The following CNIH3 variants were observed in gnomAD, a reference collection of about 807,000 sequenced individuals.
CNIH3 encodes cornichon family AMPA receptor auxiliary protein 3.
A neutral mutation model predicts 24.1 loss-of-function variants in CNIH3; 14 were observed. That is an observed-to-expected ratio of 0.58 (90% CI 0.38 to 0.91). CNIH3 has a LOEUF of 0.91. Among genes scored for constraint, CNIH3 ranks in the 40% least tolerant of loss-of-function variants. The pLI is 0.00. For missense variants in CNIH3, 178 were observed against 196.8 expected, an observed-to-expected ratio of 0.90 and a Z score of 0.57; for synonymous variants, 68 against 73.8, an observed-to-expected ratio of 0.92 and a Z score of 0.40.
chr1:224,697,882 GT>G (rs1273673702), intron 3 of CNIH3, among the ~76,000 whole-genome samples: 2 of 152,108 alleles, frequency 1.3e-5, no homozygotes, highest in African/African-American at 4.8e-5. Context: ...CTCTCTAAAG[GT>G]AAAACCATGC....
chr1:224,623,980 G>A (rs147175297), intron 1 of CNIH3, among the ~76,000 whole-genome samples: 6 of 152,274 alleles, frequency 3.9e-5, no homozygotes, highest in African/African-American at 9.6e-5. Context: ...CCTGCCTGCC[G>A]TCACCTCTTT....
intron 3 of CNIH3, among the ~76,000 whole-genome samples, chr1:224,721,820 C>G (rs1018964563): frequency 1.3e-5 from 2 of 152,080 alleles, no homozygotes; most frequent in Non-Finnish European, 2.9e-5. Context: ...AAGAATCCGG[C>G]CAGAACTGGA....
intron 2 of CNIH3, among the ~76,000 whole-genome samples, chr1:224,544,353 A>G (rs1263411857): frequency 6.6e-6 from 1 of 152,164 alleles, no homozygotes; most frequent in African/African-American, 2.4e-5. Flanking sequence ...CATCCCATGG[A>G]CTACCAGTAT....
rs536389997 is a variant in CNIH3 at position 224,558,937 on chromosome 1, A to G, written n.451-7262A>G. On this transcript the variant is annotated intron_variant and non_coding_transcript_variant, in intron 3 of 5. Coordinates refer to the CNIH3 transcript ENST00000471578. The stretch of plus-strand genomic sequence containing the variant: ...AGTAAAATAATTAATAAATGTTAAC[A>G]TCTGCATGTCGTTTTAATTAAGAAA... 7.2e-5 allele frequency among the ~76,000 whole-genome samples: 11 copies of G among 152,358 alleles called. No individual in the cohort carries two copies. The South Asian group carries it at 1.7e-3, about 23-fold the overall frequency.
intron 5 of CNIH3, among the ~76,000 whole-genome samples, chr1:224,736,124 CTCCTTTT>C (rs1235451038): frequency 1.3e-5 from 2 of 152,068 alleles, no homozygotes; most frequent in African/African-American, 2.4e-5. Context: ...AAAGACTGAA[CTCCTTTT>C]TCCTTTTTCT....
chr1:224,616,520 C>G lies in CNIH3; in HGVS notation c.-655C>G. On this transcript the variant is annotated 5_prime_UTR_variant, in exon 1 of 6. Coordinates refer to ENST00000272133, the MANE Select transcript of CNIH3 (RefSeq NM_152495.2). ...GGCTGGCCGGAGTCACGGTTGGGGA[C>G]GGGCGCGCCTCGGAGCGCACGGCTG... is the stretch of plus-strand genomic sequence containing the variant. 1 of 987,364 alleles carries G rather than the reference C, an allele frequency of 1.0e-6. No individual in the cohort carries two copies. Among genetic ancestry groups the G allele is most frequent in the Non-Finnish European group, 1.2e-6 (1 of 830,952 alleles). The allele number at this position is 987,364 out of a possible 1,614,324, so 61.2% of individuals were successfully genotyped here. A position where few individuals can be genotyped will look rare whatever the true frequency, so the allele number is the denominator to read the frequency against.
chr1:224,674,001 C>T (rs972561430), intron 1 of CNIH3, among the ~76,000 whole-genome samples: 13 of 152,158 alleles, frequency 8.5e-5, no homozygotes, highest in African/African-American at 2.9e-4. Context: ...TCTTGGTCTC[C>T]TGAACTGTAT....
At chr1:224,455,405 C>T (rs1572274396) in intron 1 of CNIH3, among the ~76,000 whole-genome samples, 1 of 152,300 alleles carries the variant, frequency 6.6e-6, no homozygotes, top group Middle Eastern at 3.4e-3. Flanking sequence ...CTGTCTTGGC[C>T]TTGTGAAACC....
chr1:224,459,079 CTGTT>C (rs1675799148), intron 1 of CNIH3: 1 of 358,016 alleles, frequency 2.8e-6, no homozygotes, highest in South Asian at 1.2e-4. Flanking sequence ...TGTCTATTAT[CTGTT>C]TGACTCCAAA....
chr1:224,711,359 C>T (rs11806606), intron 3 of CNIH3, among the ~76,000 whole-genome samples: 28,979 of 146,510 alleles, frequency 0.2, 3,025 homozygotes, highest in African/African-American at 0.3. Flanking sequence ...TTTGTTCTGT[C>T]GCCCAAGCTG....
intron 3 of CNIH3, among the ~76,000 whole-genome samples, chr1:224,594,438 T>A (rs1028114267): frequency 6.6e-6 from 1 of 152,204 alleles, no homozygotes; most frequent in Non-Finnish European, 1.5e-5. Flanking sequence ...CTGTTCTATG[T>A]TATTTTATGT....
intron 1 of CNIH3, among the ~76,000 whole-genome samples, chr1:224,622,968 A>G (rs1420870292): frequency 2.0e-5 from 3 of 152,160 alleles, no homozygotes; most frequent in Admixed American, 1.3e-4. Context: ...CTTTGCCACC[A>G]TCATCTGACT....
At chr1:224,462,410 C>T (rs777856230) in intron 1 of CNIH3, among the ~76,000 whole-genome samples, 30 of 152,022 alleles carry the variant, frequency 2.0e-4, no homozygotes, top group African/African-American at 5.6e-4. Flanking sequence ...CTTGGGTCAC[C>T]GCAACTTCTG....
At chr1:224,457,275 C>CTG (rs1168012940) in intron 1 of CNIH3, among the ~76,000 whole-genome samples, 149 of 42,724 alleles carry the variant, frequency 3.5e-3, no homozygotes, top group East Asian at 0.023. Flanking sequence ...CTCTCTCTCT[C>CTG]TGTGTGTGTG....
At chr1:224,726,786 A>G (rs1047107430) in intron 3 of CNIH3, among the ~76,000 whole-genome samples, 3 of 152,194 alleles carry the variant, frequency 2.0e-5, no homozygotes, top group African/African-American at 7.2e-5. Flanking sequence ...AAAGCAGGGT[A>G]ATAATACATG....
chr1:224,614,868 A>G (rs147564629), upstream of CNIH3, among the ~76,000 whole-genome samples: 2,200 of 151,960 alleles, frequency 0.014, 64 homozygotes, highest in African/African-American at 0.051. Context: ...AATCGCTTGA[A>G]CCAGGGAGGT....
chr1:224,545,900 G>A (rs1679687232), intron 2 of CNIH3, among the ~76,000 whole-genome samples: 1 of 152,104 alleles, frequency 6.6e-6, no homozygotes, highest in Admixed American at 6.5e-5. Flanking sequence ...CTGGAGGCTG[G>A]GAAGTCCAAC....
intron 3 of CNIH3, among the ~76,000 whole-genome samples, chr1:224,707,382 A>G (rs1397139627): frequency 6.6e-6 from 1 of 151,908 alleles, no homozygotes; most frequent in African/African-American, 2.4e-5. Flanking sequence ...ACCACCCTCA[A>G]CCTCAAATAA....
At chr1:224,683,103 T>C (rs1686482675) in intron 2 of CNIH3, among the ~76,000 whole-genome samples, 1 of 152,232 alleles carries the variant, frequency 6.6e-6, no homozygotes, top group Non-Finnish European at 1.5e-5. Flanking sequence ...ACATAGTAGG[T>C]GCTCCATGGC....
Sources: allele counts gnomAD v4.1 joint callset (sites outside exome capture counted in the v4.1 genomes callset), GRCh38; gene constraint gnomAD v4.1.1; transcripts MANE v1.5; gene names NCBI Gene and HGNC (gene_info 2026-07-23, HGNC 2026-07-21).